The following DAO variants were observed in gnomAD, a reference collection of about 807,000 sequenced individuals.
DAO encodes D-amino acid oxidase.
In DAO, 51 loss-of-function variants were observed where a neutral mutation model predicts 50.1. The observed-to-expected ratio is 1.02, with a 90% CI of 0.81 to 1.29. The LOEUF (loss-of-function observed/expected upper bound fraction) is 1.29. Ranked by LOEUF, DAO falls within the 50% of genes most tolerant of loss-of-function variation. DAO has a pLI of 0.00. For synonymous variants in DAO, 160 were observed against 166.2 expected, an observed-to-expected ratio of 0.96 and a Z score of 0.29; for missense variants, 436 against 439.4, an observed-to-expected ratio of 0.99 and a Z score of 0.07.
chr12:108,899,759 G>A, intron 10 of DAO: 1 of 481,700 alleles, frequency 2.1e-6, no homozygotes, highest in South Asian at 2.1e-5. Context: ...ATGGTAGCTG[G>A]TGCTGATGGA....
intron 8 of DAO, among the ~76,000 whole-genome samples, chr12:108,897,881 A>C (rs2039577320): frequency 6.6e-6 from 1 of 151,700 alleles, no homozygotes; most frequent in Admixed American, 6.6e-5. Flanking sequence ...TGGGAGGTTG[A>C]GGATGCAGTG....
At chr12:108,899,542 G>T in intron 10 of DAO, 67 bp downstream of exon 10, 5 of 1,371,514 alleles carry the variant, frequency 3.6e-6, no homozygotes, top group Non-Finnish European at 5.1e-6. Context: ...CATTTTCAGG[G>T]AACAGTCATG....
At chr12:108,896,419 C>CAAAAAAAAAA (rs386377704) in intron 7 of DAO, among the ~76,000 whole-genome samples, 24 of 59,542 alleles carry the variant, frequency 4.0e-4, no homozygotes, top group African/African-American at 1.3e-3. Context: ...GAGGCTGTCT[C>CAAAAAAAAAA]AAAAAAAAAA....
chr12:108,900,153 G>C, intron 10 of DAO: 1 of 462,920 alleles, frequency 2.2e-6, no homozygotes, highest in South Asian at 2.0e-5. Flanking sequence ...TGGAAGGCAG[G>C]GCTGGGATGT....
Position 108,881,794 on chromosome 12 carries a change from C to T in DAO, c.-10+1570C>T, listed in dbSNP as rs551661601. On this transcript the variant is annotated intron_variant, in intron 1 of 10. Transcript: ENST00000228476. The stretch of plus-strand genomic sequence containing the variant: ...TAATTTTTTTGTATTTTTGTAGAGA[C>T]AGGGTTTCACCATATTGGCCAGGCT... Among the ~76,000 whole-genome samples the T allele has an allele frequency of 4.0e-5, 6 of 151,650 alleles. No homozygotes were observed. In the East Asian group the frequency reaches 1.2e-3, roughly 29 times the overall value.
chr12:108,886,233 G>T (rs1273694406), intron 2 of DAO, among the ~76,000 whole-genome samples: 1 of 151,060 alleles, frequency 6.6e-6, no homozygotes, highest in Non-Finnish European at 1.5e-5. Context: ...TATGTTACCC[G>T]GGCTGGTCTT....
chr12:108,895,553 T>A (rs2039543172), intron 7 of DAO, among the ~76,000 whole-genome samples: 1 of 148,892 alleles, frequency 6.7e-6, no homozygotes, highest in Non-Finnish European at 1.5e-5. Context: ...TGTGTGTGCA[T>A]GTGTGTGAAG....
chr12:108,883,489 A>C, intron 1 of DAO: 1 of 376,596 alleles, frequency 2.7e-6, no homozygotes, highest in South Asian at 1.9e-5. Flanking sequence ...GTTCTATGTG[A>C]TTTTTCAAAA....
chr12:108,885,503 G>C (rs749746052), intron 2 of DAO, among the ~76,000 whole-genome samples: 1 of 152,012 alleles, frequency 6.6e-6, no homozygotes, highest in Non-Finnish European at 1.5e-5. Flanking sequence ...CCAGCTACTC[G>C]GGAGGCTGAG....
chr12:108,894,707 GTGT>G (rs999930592), intron 7 of DAO, among the ~76,000 whole-genome samples: 1 of 151,946 alleles, frequency 6.6e-6, no homozygotes, highest in African/African-American at 2.4e-5. Context: ...ATTATTAATT[GTGT>G]TATTATTATT....
At chr12:108,897,895 C>T (rs549217911) in intron 8 of DAO, among the ~76,000 whole-genome samples, 2 of 151,430 alleles carry the variant, frequency 1.3e-5, no homozygotes, top group Middle Eastern at 3.4e-3. Flanking sequence ...TGCAGTGAGC[C>T]ATGTTCACAC....
In DAO at chr12:108,883,976, G is replaced by T. The variant is rs576616635; in HGVS notation, c.-9-1022G>T. Among the ~76,000 whole-genome samples the T allele has an allele frequency of 5.2e-5, 8 of 152,386 alleles. No individual in the cohort carries two copies. In the East Asian group the frequency reaches 1.5e-3, roughly 29 times the overall value. On this transcript the variant is annotated intron_variant, in intron 1 of 10. Coordinates refer to ENST00000228476, the MANE Select transcript of DAO (RefSeq NM_001917.5). ...GAGTTGTGAGTGAAGATGAGGGAAA[G>T]TTGAATTTGGCTCTTCTGGGCACAA...
chr12:108,898,611 G>T, intron 8 of DAO, 68 bp from the exon 9 acceptor site: 1 of 1,054,602 alleles, frequency 9.5e-7, no homozygotes, highest in Non-Finnish European at 1.5e-6. Context: ...AAGGTTGATG[G>T]TAATGACCTT....
Position 108,885,088 on chromosome 12 carries a change from C to A in DAO, c.82C>A (p.Gln28Lys). ...CCATGAGCGCTACCACTCAGTCCTG[C>A]AGCCACTGGACATAAAGGTCTACGC... is the stretch of plus-strand genomic sequence containing the variant. The part of the protein sequence containing the change: ...CIHERYHSVL[Q>K]PLDIKVYADR... The change falls in exon 2 of 11, where the codon CAG becomes AAG. Residue 28 changes from glutamine (Q) to lysine (K), a missense_variant. Coordinates refer to ENST00000228476, the MANE Select transcript of DAO (RefSeq NM_001917.5). 1 of 1,614,188 alleles carries A rather than the reference C, an allele frequency of 6.2e-7. No homozygotes were observed. The highest frequency in any genetic ancestry group is 8.5e-7 in the Non-Finnish European group (1 of 1,180,006).
intron 1 of DAO, 75 bp from the exon 2 acceptor site, chr12:108,884,923 T>C: frequency 7.1e-7 from 1 of 1,404,608 alleles, no homozygotes; most frequent in Non-Finnish European, 1.0e-6. Flanking sequence ...AAGCCTTCAG[T>C]GGATGGTGGC....
At chr12:108,896,629 C>T (rs1193402435) in intron 7 of DAO, among the ~76,000 whole-genome samples, 1 of 152,038 alleles carries the variant, frequency 6.6e-6, no homozygotes, top group African/African-American at 2.4e-5. Flanking sequence ...CCTCCCTTCC[C>T]CCCGCAGCTG....
At chr12:108,893,211 T>C (rs1197924814) in intron 6 of DAO, among the ~76,000 whole-genome samples, 175 bp downstream of exon 6, 1 of 152,086 alleles carries the variant, frequency 6.6e-6, no homozygotes, top group Non-Finnish European at 1.5e-5. Flanking sequence ...TGCCTTCATG[T>C]TGGTAGTGGG....
Position 108,900,674 on chromosome 12 carries a change from G to A in DAO, c.*139G>A. The stretch of plus-strand genomic sequence containing the variant: ...GCATGAGGTGAGAGAAAGCCACAAA[G>A]TCAGTGCCTGGAGAAGGGTTCAGCC... On this transcript the variant is annotated 3_prime_UTR_variant, in exon 11 of 11. Transcript: ENST00000228476. 1 of 1,280,172 alleles carries A rather than the reference G, an allele frequency of 7.8e-7. No homozygotes were observed. The highest frequency in any genetic ancestry group is 1.1e-6 in the Non-Finnish European group (1 of 922,686). The allele number at this position is 1,280,172 out of a possible 1,614,324, so 79.3% of individuals were successfully genotyped here.
chr12:108,888,803 A>G (rs544424244), intron 3 of DAO, among the ~76,000 whole-genome samples: 116 of 151,898 alleles, frequency 7.6e-4, no homozygotes, highest in Admixed American at 2.4e-3. Context: ...TCTCTCCCCT[A>G]TTTCTGACTT....
Sources: gnomAD v4.1 joint callset for allele counts (sites outside exome capture counted in the v4.1 genomes callset) on GRCh38, gnomAD v4.1.1 for gene constraint, MANE v1.5 for transcripts, NCBI Gene and HGNC (gene_info 2026-07-23, HGNC 2026-07-21) for gene names.